Variants in LMX1A observed in about 807,000 individuals in gnomAD.
LMX1A encodes the protein LIM homeobox transcription factor 1 alpha.
A neutral mutation model predicts 49.1 loss-of-function variants in LMX1A; 15 were observed. The ratio of observed to expected loss-of-function variants is 0.31; its 90% CI spans 0.20 to 0.47. The LOEUF (loss-of-function observed/expected upper bound fraction) is 0.47, where lower values mean the gene tolerates loss of function less well. Ranked by LOEUF, LMX1A falls within the 20% of genes least tolerant of loss-of-function variation. The pLI, the probability that LMX1A is intolerant of heterozygous loss-of-function variation, is 1.00. For missense variants in LMX1A, 372 were observed against 475.8 expected, an observed-to-expected ratio of 0.78 and a Z score of 2.03; for synonymous variants, 167 against 185.7, an observed-to-expected ratio of 0.90 and a Z score of 0.82.
At chr1:165,304,910 G>A (rs1213403988) in intron 3 of LMX1A, among the ~76,000 whole-genome samples, 1 of 152,144 alleles carries the variant, frequency 6.6e-6, no homozygotes, top group East Asian at 1.9e-4. Flanking sequence ...CACCTGTCAT[G>A]CACCTTCCCC....
intron 3 of LMX1A, among the ~76,000 whole-genome samples, chr1:165,277,012 T>C (rs1373473778): frequency 6.6e-6 from 1 of 152,200 alleles, no homozygotes; most frequent in Admixed American, 6.5e-5. Flanking sequence ...ATTGTGTCAA[T>C]AATTATTAGC....
rs558066648 is a variant in LMX1A at position 165,266,843 on chromosome 1, C to T, written c.264-17203G>A. Among the ~76,000 whole-genome samples, 10 of 152,084 alleles carry T rather than the reference C, an allele frequency of 6.6e-5. No individual in the cohort carries two copies. In the South Asian group the frequency reaches 8.3e-4, roughly 13 times the overall value. ...GTCTCGATCTCCTGACCTCATGATC[C>T]GCCTGCCTCAGCCTCCCAAAGTGCT... On this transcript the variant is annotated intron_variant, in intron 3 of 8. Transcript: ENST00000342310.
At chr1:165,246,639 T>C (rs2102634485) in intron 4 of LMX1A, among the ~76,000 whole-genome samples, 1 of 152,346 alleles carries the variant, frequency 6.6e-6, no homozygotes, top group South Asian at 2.1e-4. Context: ...TGTTGGATAA[T>C]TAAATGAATG....
At chr1:165,296,722 C>A (rs1294517547) in intron 3 of LMX1A, among the ~76,000 whole-genome samples, 3 of 152,240 alleles carry the variant, frequency 2.0e-5, no homozygotes, top group South Asian at 4.1e-4. Context: ...TCTGCTGTTT[C>A]TTGTGTGAAT....
At chr1:165,258,780 C>T (rs73029260) in intron 3 of LMX1A, among the ~76,000 whole-genome samples, 3,614 of 152,236 alleles carry the variant, frequency 0.024, 136 homozygotes, top group African/African-American at 0.083. Flanking sequence ...TTCTTGTTCT[C>T]GCAAGGTGTC....
At chr1:165,310,990 G>T (rs1655061480) in intron 3 of LMX1A, among the ~76,000 whole-genome samples, 1 of 152,128 alleles carries the variant, frequency 6.6e-6, no homozygotes, top group African/African-American at 2.4e-5. Context: ...CCCCAGATCT[G>T]GGAGTCTATT....
At chr1:165,315,731 C>T (rs1655201280) in intron 3 of LMX1A, among the ~76,000 whole-genome samples, 1 of 152,192 alleles carries the variant, frequency 6.6e-6, no homozygotes, top group African/African-American at 2.4e-5. Context: ...ATCAAGGAGG[C>T]ACCATGCGGT....
In LMX1A at chr1:165,213,808, T is replaced by C. The variant is rs1266719258; in HGVS notation, c.502A>G (p.Ser168Gly). The change falls in exon 5 of 9, where the codon AGT (serine) becomes GGT (glycine). Residue 168 changes from serine (S) to glycine (G), a missense_variant. Ser to Gly is a moderately conservative substitution (Grantham distance 56). Around this residue, in one of 3 missense-constraint regions of LMX1A, gnomAD observed 199 missense variants for 244.0 expected, o/e 0.82. Coordinates refer to ENST00000342310, the MANE Select transcript of LMX1A (RefSeq NM_177398.4). Reference protein sequence around the residue: ...VSPAASDSGKSDDEESLCKSA... With the variant: ...VSPAASDSGKGDDEESLCKSA... ...TTGCAGAGACTTTCTTCATCATCAC[T>C]TTTACCTGAAAGAAGCAAAAGACAA... 2 of 1,613,578 alleles carry C rather than the reference T, an allele frequency of 1.2e-6. No individual in the cohort carries two copies. Among genetic ancestry groups the C allele is most frequent in the Non-Finnish European group, 1.7e-6 (2 of 1,179,864 alleles).
In LMX1A at chr1:165,203,993, T is replaced by C. The variant is rs771576895; in HGVS notation, c.1036A>G (p.Ser346Gly). The C allele has an allele frequency of 1.2e-6, 2 of 1,614,126 alleles. No homozygotes were observed. Among genetic ancestry groups the C allele is most frequent in the South Asian group, 1.1e-5 (1 of 91,078 alleles). The change falls in exon 9 of 9, where the codon AGT (serine) becomes GGT (glycine). Residue 346 changes from serine (S) to glycine (G), a missense_variant. Transcript: ENST00000342310. ...HDLDSDDTSL[S>G]NLGDCFLATS... Reference sequence around the variant, plus strand: ...GCTAGGAAACAATCACCCAGGTTACTGAGGGAGGTGTCGTCGCTATCCAGG... The same window carrying C: ...GCTAGGAAACAATCACCCAGGTTACCGAGGGAGGTGTCGTCGCTATCCAGG...
intron 3 of LMX1A, among the ~76,000 whole-genome samples, chr1:165,270,889 T>C (rs1653772207): frequency 1.3e-5 from 2 of 152,208 alleles, no homozygotes; most frequent in South Asian, 4.1e-4. Context: ...ACTTCTCCTT[T>C]TCTGATGGTT....
rs191638786 is a variant in LMX1A at position 165,225,153 on chromosome 1, G to C, written c.497-11340C>G. The stretch of plus-strand genomic sequence containing the variant: ...GTGACTGCAACACATAGTCTCCAAG[G>C]ACAGCTTGGGGGAAAGAGGGGAGCA... On this transcript the variant is annotated intron_variant, in intron 4 of 8. Coordinates refer to ENST00000342310, the MANE Select transcript of LMX1A (RefSeq NM_177398.4). Among the ~76,000 whole-genome samples, 491 of 152,312 alleles carry C rather than the reference G, an allele frequency of 3.2e-3. 2 individuals carry two copies. Among genetic ancestry groups the C allele is most frequent in the Middle Eastern group, 6.8e-3 (2 of 294 alleles).
At chr1:165,322,775 C>T (rs1392177730) in intron 3 of LMX1A, among the ~76,000 whole-genome samples, 2 of 152,090 alleles carry the variant, frequency 1.3e-5, no homozygotes, top group African/African-American at 2.4e-5. Flanking sequence ...TTACTAAAAG[C>T]CACTGAATTA....
At chr1:165,279,909 GT>G (rs1202538536) in intron 3 of LMX1A, among the ~76,000 whole-genome samples, 1 of 151,892 alleles carries the variant, frequency 6.6e-6, no homozygotes, top group Non-Finnish European at 1.5e-5. Flanking sequence ...GCAAGTGCTC[GT>G]TTTACTGCCT....
At chr1:165,314,813 C>A (rs1373806993) in intron 3 of LMX1A, among the ~76,000 whole-genome samples, 1 of 152,052 alleles carries the variant, frequency 6.6e-6, no homozygotes, top group East Asian at 1.9e-4. Flanking sequence ...TACTAAGCAC[C>A]CAATAATTAT....
chr1:165,321,275 G>T (rs1176673645), intron 3 of LMX1A, among the ~76,000 whole-genome samples: 2 of 152,152 alleles, frequency 1.3e-5, no homozygotes, highest in Non-Finnish European at 2.9e-5. Flanking sequence ...TGGATACAGA[G>T]TTTCTTTGGA....
chr1:165,345,875 T>C (rs1377638789), intron 3 of LMX1A, among the ~76,000 whole-genome samples: 1 of 152,146 alleles, frequency 6.6e-6, no homozygotes, highest in African/African-American at 2.4e-5. Flanking sequence ...ACTAAATAAA[T>C]AAACTGCTAA....
chr1:165,255,182 A>C (rs1653193317), intron 3 of LMX1A, among the ~76,000 whole-genome samples: 1 of 152,214 alleles, frequency 6.6e-6, no homozygotes, highest in South Asian at 2.1e-4. Context: ...ATGCAGAGAG[A>C]AATAGCTGGG....
At chr1:165,208,683 GGCTGGAGT>G (rs368459890) in intron 6 of LMX1A, among the ~76,000 whole-genome samples, 20,646 of 152,082 alleles carry the variant, frequency 0.14, 1,693 homozygotes, top group African/African-American at 0.24. Context: ...CTGTCACCCA[GGCTGGAGT>G]GCTGGAGTGC....
intron 3 of LMX1A, among the ~76,000 whole-genome samples, chr1:165,314,264 C>CA (rs770019370): frequency 6.6e-6 from 1 of 152,180 alleles, no homozygotes; most frequent in Non-Finnish European, 1.5e-5. Flanking sequence ...GAGAGCATGG[C>CA]AAAGGGGGCC....
Sources: gnomAD v4.1 joint callset for allele counts (sites outside exome capture counted in the v4.1 genomes callset) on GRCh38, gnomAD v4.1.1 for gene constraint, gnomAD v4.1.1 regional missense constraint, MANE v1.5 for transcripts, NCBI Gene and HGNC (gene_info 2026-07-23, HGNC 2026-07-21) for gene names.